Variants in PHF20L1 observed in about 807,000 individuals in gnomAD.
The protein encoded by PHF20L1 is PHD finger protein 20-like protein 1.
PHF20L1 carries 44 observed loss-of-function variants against 125.5 expected under a neutral mutation model. The ratio of observed to expected loss-of-function variants is 0.35; its 90% CI spans 0.28 to 0.45. The LOEUF is 0.45. PHF20L1 is among the 20% of genes least tolerant of loss of function. The pLI, the probability that PHF20L1 is intolerant of heterozygous loss-of-function variation, is 1.00. For missense variants in PHF20L1, 1,012 were observed against 1,217.2 expected (o/e 0.83, Z 2.51); for synonymous variants, 380 against 403.1 (o/e 0.94, Z 0.69).
At chr8:132,804,087 A>G (rs1833406720) in intron 7 of PHF20L1, 55 bp downstream of exon 7, 1 of 1,168,460 alleles carries the variant, frequency 8.6e-7, no homozygotes, top group Admixed American at 1.8e-5. Context: ...CTCATGTAGT[A>G]AAGTCAAATC....
chr8:132,815,671 C>T (rs1834896279), intron 10 of PHF20L1: 1 of 151,832 alleles, frequency 6.6e-6, no homozygotes, highest in Non-Finnish European at 1.5e-5. Context: ...ATTGTGTCTT[C>T]CAGAATAATC....
chr8:132,845,694 A>T (rs1169529713), intron 20 of PHF20L1, 87 bp from the exon 21 acceptor site: 15 of 941,326 alleles, frequency 1.6e-5, no homozygotes, highest in Non-Finnish European at 2.6e-5. Flanking sequence ...CCTTAACTCC[A>T]TCACAGCTCC....
intron 14 of PHF20L1, among the ~76,000 whole-genome samples, chr8:132,827,638 A>T (rs1465780811): frequency 1.3e-5 from 2 of 152,028 alleles, no homozygotes; most frequent in African/African-American, 2.4e-5. Flanking sequence ...GGAAATTGTA[A>T]CTTGAGAGAA....
At chr8:132,797,188 G>A (rs1040616244) in intron 4 of PHF20L1, among the ~76,000 whole-genome samples, 29 of 151,998 alleles carry the variant, frequency 1.9e-4, no homozygotes, top group African/African-American at 1.9e-4. Context: ...TTAATTTTGT[G>A]ATTTCTGTAT....
Position 132,782,549 on chromosome 8 carries a change from A to G in PHF20L1, c.83+4638A>G, listed in dbSNP as rs767317744. Among the ~76,000 whole-genome samples, 14 of 151,856 alleles carry G rather than the reference A, an allele frequency of 9.2e-5. No homozygotes were observed. The South Asian group carries it at 2.3e-3, about 25-fold the overall frequency. ...GTGGCTTGGAATCATAGAAGGCAAAACATCTCATTGCAACAAGCTGATGAC... is the reference window on the plus strand; with the variant it reads ...GTGGCTTGGAATCATAGAAGGCAAAGCATCTCATTGCAACAAGCTGATGAC... On this transcript the variant is annotated intron_variant, in intron 2 of 20. Coordinates refer to ENST00000395386, the MANE Select transcript of PHF20L1 (RefSeq NM_016018.5).
At chr8:132,781,100 C>T (rs892537303) in intron 2 of PHF20L1, among the ~76,000 whole-genome samples, 1 of 152,124 alleles carries the variant, frequency 6.6e-6, no homozygotes, top group Admixed American at 6.5e-5. Context: ...ATCCTCCCAC[C>T]TCAGCCTCCC....
intron 9 of PHF20L1, among the ~76,000 whole-genome samples, chr8:132,813,965 C>T: frequency 6.6e-6 from 1 of 151,418 alleles, no homozygotes; most frequent in East Asian, 1.9e-4. Flanking sequence ...TTTTAACTTA[C>T]ACTTTATCTC....
chr8:132,817,948 G>A (rs1465327412), intron 12 of PHF20L1: 1 of 155,026 alleles, frequency 6.5e-6, no homozygotes. Flanking sequence ...GAAACACTGA[G>A]CTATATGCCT....
intron 15 of PHF20L1, among the ~76,000 whole-genome samples, chr8:132,835,898 A>G (rs1587068003): frequency 6.6e-6 from 1 of 152,226 alleles, no homozygotes; most frequent in East Asian, 1.9e-4. Context: ...GATACTGTCA[A>G]TAATGCTATT....
chr8:132,815,699 G>C lies in PHF20L1; in HGVS notation c.1183+810G>C, dbSNP rs374289489. On this transcript the variant is annotated intron_variant, in intron 10 of 20. Transcript: ENST00000395386. Reference sequence around the variant, plus strand: ...GAATAATCAAAGATGTTGGCATTCAGAAGACTTTTATCAAACTTATTAACC... The same window carrying C: ...GAATAATCAAAGATGTTGGCATTCACAAGACTTTTATCAAACTTATTAACC... 4 of 151,990 alleles carry C rather than the reference G, an allele frequency of 2.6e-5. No individual in the cohort carries two copies. The South Asian group carries it at 6.2e-4, about 24-fold the overall frequency. The allele number at this position is 151,990 out of a possible 1,614,324, so 9.4% of individuals were successfully genotyped here.
chr8:132,779,805 A>G (rs1317739698), intron 2 of PHF20L1, among the ~76,000 whole-genome samples: 1 of 152,206 alleles, frequency 6.6e-6, no homozygotes, highest in Non-Finnish European at 1.5e-5. Context: ...CTTTTAGAGT[A>G]TTCTGTGTTT....
At chr8:132,801,997 C>G (rs575790642) in intron 6 of PHF20L1, among the ~76,000 whole-genome samples, 1 of 151,530 alleles carries the variant, frequency 6.6e-6, no homozygotes, top group Non-Finnish European at 1.5e-5. Flanking sequence ...AAATTTTCCC[C>G]GCAATGTGGA....
chr8:132,843,604 A>G (rs1474264123), intron 19 of PHF20L1: 1 of 643,580 alleles, frequency 1.6e-6, no homozygotes, highest in Non-Finnish European at 1.8e-6. Flanking sequence ...CCAAACGCAC[A>G]TTGTGTGTGT....
intron 15 of PHF20L1, 28 bp downstream of exon 15, chr8:132,832,427 C>A (rs1375728558): frequency 1.4e-5 from 21 of 1,511,692 alleles, no homozygotes; most frequent in Non-Finnish European, 1.8e-5. Flanking sequence ...ATGGTTAAAA[C>A]AAGACTTACA....
At chr8:132,838,367 C>T (rs531355148) in intron 17 of PHF20L1, 6 of 156,454 alleles carry the variant, frequency 3.8e-5, no homozygotes, top group African/African-American at 9.6e-5. Flanking sequence ...TCTGCATATT[C>T]GACTCATTGT....
intron 2 of PHF20L1, chr8:132,788,815 G>A (rs570043044): frequency 1.6e-4 from 25 of 152,176 alleles, no homozygotes; most frequent in African/African-American, 5.1e-4. Flanking sequence ...ATAATGAAGC[G>A]CTGACAGTTT....
chr8:132,783,371 A>G (rs1351388845), intron 2 of PHF20L1, among the ~76,000 whole-genome samples: 2 of 152,196 alleles, frequency 1.3e-5, no homozygotes, highest in African/African-American at 4.8e-5. Flanking sequence ...GTGAGTTTTT[A>G]AGATGTTCGT....
chr8:132,777,904 C>A lies in PHF20L1; in HGVS notation c.76C>A (p.Gln26Lys), dbSNP rs928414737. Residue 26 changes from glutamine to lysine, a missense_variant, in exon 2 of 21, where the codon CAA becomes AAA. Physicochemically the swap from Gln to Lys is moderately conservative, Grantham distance 53. Around this residue, in one of 7 missense-constraint regions of PHF20L1, gnomAD observed 94 missense variants for 179.5 expected, o/e 0.52. Transcript: ENST00000395386. ...TCGTTTGGAGGCACTGGACTACTTA[C>A]AAAAATGGTATGGAAAATATAGAAC... Reference protein sequence around the residue: ...GARLEALDYLQKWYPSRIEKI... With the variant: ...GARLEALDYLKKWYPSRIEKI... 1 of 1,598,318 alleles carries A rather than the reference C, an allele frequency of 6.3e-7. No individual in the cohort carries two copies.
At chr8:132,814,453 C>T (rs1834745826) in intron 9 of PHF20L1, among the ~76,000 whole-genome samples, 184 bp from the exon 10 acceptor site, 1 of 151,800 alleles carries the variant, frequency 6.6e-6, no homozygotes, top group Admixed American at 6.6e-5. Flanking sequence ...CCTTTAAAGA[C>T]AGCCTATTCA....
Sources: allele counts gnomAD v4.1 joint callset (sites outside exome capture counted in the v4.1 genomes callset), GRCh38; gene constraint gnomAD v4.1.1; regional missense constraint gnomAD v4.1.1; transcripts MANE v1.5; gene names NCBI Gene and HGNC (gene_info 2026-07-23, HGNC 2026-07-21).